DCT: variants seen among roughly 807,000 people sequenced by gnomAD.
DCT encodes L-dopachrome tautomerase.
In DCT, 47 loss-of-function variants were observed where a neutral mutation model predicts 53.0. The ratio of observed to expected loss-of-function variants is 0.89; its 90% CI spans 0.70 to 1.13. The LOEUF is 1.13. DCT is among the 50% of genes most tolerant of loss of function. The pLI, the probability that DCT is intolerant of heterozygous loss-of-function variation, is 0.00. For missense variants in DCT, 669 were observed against 637.4 expected, an observed-to-expected ratio of 1.05 and a Z score of -0.53; for synonymous variants, 244 against 237.0, an observed-to-expected ratio of 1.03 and a Z score of -0.27.
the DCT span, among the ~76,000 whole-genome samples, chr13:94,534,109 G>A: frequency 4.0e-5 from 6 of 150,460 alleles, no homozygotes; most frequent in Non-Finnish European, 8.8e-5. Context: ...ACATTCACAA[G>A]TTTCCCCATA....
intron 6 of DCT, chr13:94,452,669 G>A (rs9516417): frequency 0.022 from 16,912 of 752,550 alleles, 262 homozygotes; most frequent in South Asian, 0.029. Flanking sequence ...TCACCTAAAT[G>A]TCCATCAACA....
chr13:94,483,053 C>A (rs1885513380), upstream of DCT, among the ~76,000 whole-genome samples: 2 of 152,012 alleles, frequency 1.3e-5, no homozygotes, highest in Admixed American at 6.6e-5. Context: ...GCAGGCAGAT[C>A]ACGTGAGCCC....
the DCT span, among the ~76,000 whole-genome samples, chr13:94,510,725 T>C: frequency 6.6e-6 from 1 of 152,192 alleles, no homozygotes; most frequent in East Asian, 1.9e-4. Context: ...TTTACCACTG[T>C]ACATTATGAT....
At chr13:94,507,148 G>C in the DCT span, among the ~76,000 whole-genome samples, 1 of 152,112 alleles carries the variant, frequency 6.6e-6, no homozygotes, top group East Asian at 1.9e-4. Flanking sequence ...ACATTAGAAG[G>C]AAAACTGGCA....
chr13:94,541,881 G>A, the DCT span, among the ~76,000 whole-genome samples: 1 of 152,166 alleles, frequency 6.6e-6, no homozygotes, highest in Non-Finnish European at 1.5e-5. Flanking sequence ...CTCTGTGCTG[G>A]CTACACACGG....
chr13:94,487,749 G>T, the DCT span, among the ~76,000 whole-genome samples: 11,758 of 152,126 alleles, frequency 0.077, 540 homozygotes, highest in African/African-American at 0.12. Context: ...CTGTCTGATG[G>T]TTTTTGATCT....
At chr13:94,449,105 T>C (rs1228769754) in intron 6 of DCT, among the ~76,000 whole-genome samples, 3 of 151,368 alleles carry the variant, frequency 2.0e-5, no homozygotes, top group Admixed American at 2.0e-4. Context: ...CAACACTAAA[T>C]TTCAAAGTAG....
the DCT span, among the ~76,000 whole-genome samples, chr13:94,539,600 T>C: frequency 6.6e-6 from 1 of 152,220 alleles, no homozygotes; most frequent in African/African-American, 2.4e-5. Context: ...ATGACAAAAT[T>C]ATTGTTTGTA....
the DCT span, among the ~76,000 whole-genome samples, chr13:94,486,885 A>C: frequency 6.6e-6 from 1 of 152,136 alleles, no homozygotes; most frequent in African/African-American, 2.4e-5. Context: ...CTTGTCTCAA[A>C]TCCTTTGAGA....
chr13:94,524,158 A>G, the DCT span, among the ~76,000 whole-genome samples: 1 of 152,220 alleles, frequency 6.6e-6, no homozygotes, highest in Non-Finnish European at 1.5e-5. Context: ...CGGGGTGTAG[A>G]AGGCTGGCAT....
At chr13:94,533,398 C>G in the DCT span, among the ~76,000 whole-genome samples, 5 of 151,940 alleles carry the variant, frequency 3.3e-5, no homozygotes, top group Non-Finnish European at 7.4e-5. Flanking sequence ...TGTGACAATC[C>G]TGTAAGACAG....
chr13:94,465,240 T>C (rs1433337741), intron 4 of DCT, among the ~76,000 whole-genome samples: 1 of 152,226 alleles, frequency 6.6e-6, no homozygotes, highest in Non-Finnish European at 1.5e-5. Context: ...CAGTACCACA[T>C]CACATGGGAT....
rs66500416 is a variant in DCT at position 94,465,448 on chromosome 13, T to TA, written c.863+184_863+185insT. 745 of 275,208 alleles carry TA rather than the reference T, an allele frequency of 2.7e-3. 1 individual carries two copies. The highest frequency in any genetic ancestry group is 6.2e-3 in the Admixed American group (88 of 14,302). The allele number at this position is 275,208 out of a possible 1,614,324, so 17.0% of individuals were successfully genotyped here. ...CAATTCACAAATGTGATTTTGATAT[T>TA]TTTTTTTTAATTAAAGAGCTTTGAA... On this transcript the variant is annotated intron_variant, in intron 4 of 7. Transcript: ENST00000377028.
At chr13:94,522,255 CAATCT>C in the DCT span, among the ~76,000 whole-genome samples, 76 of 152,212 alleles carry the variant, frequency 5.0e-4, no homozygotes, top group East Asian at 1.9e-3. Context: ...TGAGTGGGCA[CAATCT>C]AATCAGCTGC....
chr13:94,475,843 G>T (rs1594323674), intron 1 of DCT, among the ~76,000 whole-genome samples: 1 of 152,190 alleles, frequency 6.6e-6, no homozygotes, highest in East Asian at 1.9e-4. Context: ...TAACAATTAT[G>T]CCTCAATAAA....
At chr13:94,465,905 A>G (rs1036649677) in intron 3 of DCT, 106 bp from the exon 4 acceptor site, 1 of 657,306 alleles carries the variant, frequency 1.5e-6, no homozygotes, top group Non-Finnish European at 2.3e-6. Flanking sequence ...ATCTACCAAG[A>G]CAAAGACTAC....
At chr13:94,520,012 T>TTA in the DCT span, among the ~76,000 whole-genome samples, 1 of 152,102 alleles carries the variant, frequency 6.6e-6, no homozygotes. Flanking sequence ...TCAAGAAGGG[T>TTA]CAAACAGAGC....
intron 6 of DCT, among the ~76,000 whole-genome samples, chr13:94,449,133 A>C (rs984120327): frequency 6.6e-6 from 1 of 152,108 alleles, no homozygotes; most frequent in Non-Finnish European, 1.5e-5. Flanking sequence ...AATGGAAAAA[A>C]AAATGTGATT....
chr13:94,459,469 T>C (rs574317384), intron 6 of DCT, among the ~76,000 whole-genome samples: 3 of 152,354 alleles, frequency 2.0e-5, no homozygotes, highest in African/African-American at 7.2e-5. Context: ...ATAATTTGTC[T>C]GTGCTTAGAC....
Sources: gnomAD v4.1 joint callset for allele counts (sites outside exome capture counted in the v4.1 genomes callset) on GRCh38, gnomAD v4.1.1 for gene constraint, MANE v1.5 for transcripts, NCBI Gene and HGNC (gene_info 2026-07-23, HGNC 2026-07-21) for gene names.